Variants in PTPRD observed in about 807,000 individuals in gnomAD.
PTPRD encodes the protein protein tyrosine phosphatase receptor type D, also known as receptor-type tyrosine-protein phosphatase delta.
Under a neutral mutation model 214.5 loss-of-function variants are expected in PTPRD, and 34 were observed. That is an observed-to-expected ratio of 0.16 (90% CI 0.12 to 0.21). PTPRD has a LOEUF of 0.21. PTPRD is among the 10% of genes least tolerant of loss of function. The probability of loss-of-function intolerance (pLI) is 1.00; values close to 1 mark genes in which losing one functional copy is unlikely to be tolerated. For missense variants in PTPRD, 2,545 were observed against 2,398.7 expected, an observed-to-expected ratio of 1.06 and a Z score of -1.27; for synonymous variants, 1,128 against 845.7, an observed-to-expected ratio of 1.33 and a Z score of -5.79.
intron 9 of PTPRD, among the ~76,000 whole-genome samples, chr9:9,375,945 T>A (rs1251755386): frequency 6.6e-6 from 1 of 152,194 alleles, no homozygotes; most frequent in African/African-American, 2.4e-5. Context: ...ACTTGCATGT[T>A]ACACATATTT....
rs74592348 is a variant in PTPRD at position 9,181,449 on chromosome 9, G to A, written c.-143+1855C>T. Among the ~76,000 whole-genome samples, 468 of 151,920 alleles carry A rather than the reference G, an allele frequency of 3.1e-3. 3 individuals carry two copies. Among genetic ancestry groups the A allele is most frequent in the Non-Finnish European group, 5.1e-3 (347 of 67,924 alleles). ...CATTTTCAAACCTGCCTGTGTGTGAGCAGACAGGTTCCTGATGCTCTAAAT... is the reference window on the plus strand; with the variant it reads ...CATTTTCAAACCTGCCTGTGTGTGAACAGACAGGTTCCTGATGCTCTAAAT... On this transcript the variant is annotated intron_variant, in intron 10 of 45. Transcript: ENST00000381196.
chr9:9,941,939 G>T (rs548507871), intron 4 of PTPRD, among the ~76,000 whole-genome samples: 2 of 152,262 alleles, frequency 1.3e-5, no homozygotes, highest in African/African-American at 4.8e-5. Flanking sequence ...GTATTTGAAT[G>T]ATTTAAAATA....
intron 2 of PTPRD, among the ~76,000 whole-genome samples, chr9:10,529,430 A>T (rs1384994272): frequency 6.6e-6 from 1 of 151,792 alleles, no homozygotes; most frequent in Admixed American, 6.6e-5. Context: ...GGACATGGAT[A>T]AAGCTGGAAA....
intron 5 of PTPRD, among the ~76,000 whole-genome samples, chr9:9,898,092 C>T (rs1601409909): frequency 6.6e-6 from 1 of 152,028 alleles, no homozygotes; most frequent in Non-Finnish European, 1.5e-5. Flanking sequence ...CATAGAGAAA[C>T]TAAGGAATGC....
intron 3 of PTPRD, among the ~76,000 whole-genome samples, chr9:10,044,930 T>A (rs1312518320): frequency 6.6e-6 from 1 of 151,714 alleles, no homozygotes; most frequent in Admixed American, 6.6e-5. Flanking sequence ...TATGAGTCAT[T>A]TCAATGAGAG....
At chr9:9,193,612 C>T (rs1470035430) in intron 9 of PTPRD, among the ~76,000 whole-genome samples, 2 of 152,134 alleles carry the variant, frequency 1.3e-5, no homozygotes, top group African/African-American at 4.8e-5. Context: ...CTGTAGGCAA[C>T]TGTAACACAA....
intron 3 of PTPRD, among the ~76,000 whole-genome samples, chr9:10,162,220 G>A (rs1300951733): frequency 1.3e-5 from 2 of 151,184 alleles, no homozygotes; most frequent in South Asian, 2.1e-4. Flanking sequence ...AAAATAATGA[G>A]TAAATCAAAG....
intron 12 of PTPRD, among the ~76,000 whole-genome samples, chr9:8,691,855 C>A (rs73640939): frequency 0.054 from 8,157 of 152,224 alleles, 746 homozygotes; most frequent in African/African-American, 0.18. Context: ...TCCCATCTCA[C>A]ACCAAGTATA....
chr9:9,518,618 A>G (rs528094693), intron 8 of PTPRD, among the ~76,000 whole-genome samples: 32 of 152,174 alleles, frequency 2.1e-4, no homozygotes, highest in South Asian at 1.5e-3. Context: ...AATAGCAAAA[A>G]CCTGGGACCC....
intron 2 of PTPRD, among the ~76,000 whole-genome samples, chr9:10,472,169 T>C (rs185731676): frequency 1.1e-4 from 17 of 152,266 alleles, no homozygotes; most frequent in Admixed American, 5.9e-4. Context: ...CAAGTCCTTA[T>C]TTAAAAGGTG....
intron 9 of PTPRD, among the ~76,000 whole-genome samples, chr9:9,248,678 T>C (rs1189423921): frequency 6.6e-6 from 1 of 152,072 alleles, no homozygotes; most frequent in African/African-American, 2.4e-5. Flanking sequence ...ATACATACAG[T>C]CTAGCTAAGG....
At chr9:10,225,177 T>C (rs567164121) in intron 3 of PTPRD, among the ~76,000 whole-genome samples, 1 of 152,066 alleles carries the variant, frequency 6.6e-6, no homozygotes, top group Non-Finnish European at 1.5e-5. Flanking sequence ...AAGAGATGAA[T>C]ACAGTCTTAT....
chr9:10,056,353 G>A (rs1055053145), intron 3 of PTPRD, among the ~76,000 whole-genome samples: 9 of 150,164 alleles, frequency 6.0e-5, no homozygotes, highest in African/African-American at 2.2e-4. Flanking sequence ...TAAAAAATCT[G>A]ACTTTCTGAA....
chr9:8,639,297 C>T (rs1162352104), intron 12 of PTPRD, among the ~76,000 whole-genome samples: 1 of 152,138 alleles, frequency 6.6e-6, no homozygotes, highest in Non-Finnish European at 1.5e-5. Flanking sequence ...ACTTGCTTGT[C>T]AGTAACCAAT....
At chr9:9,010,710 T>C (rs1222196774) in intron 11 of PTPRD, among the ~76,000 whole-genome samples, 1 of 152,162 alleles carries the variant, frequency 6.6e-6, no homozygotes, top group East Asian at 1.9e-4. Context: ...TCCTTGATCC[T>C]TTCATCTTGT....
chr9:10,071,849 A>G lies in PTPRD; in HGVS notation c.-544-38059T>C, dbSNP rs543778928. On this transcript the variant is annotated intron_variant, in intron 3 of 45. Transcript: ENST00000381196. Reference sequence around the variant, plus strand: ...ATACACCTTGACAATTATGAGAATTATAAAATGAACAAGCTGATATATGTT... The same window carrying G: ...ATACACCTTGACAATTATGAGAATTGTAAAATGAACAAGCTGATATATGTT... Among the ~76,000 whole-genome samples the G allele has an allele frequency of 7.6e-4, 115 of 152,164 alleles. 1 individual carries two copies. The highest frequency in any genetic ancestry group is 1.4e-3 in the Admixed American group (21 of 15,270).
At chr9:9,349,479 A>G (rs1298972058) in intron 9 of PTPRD, among the ~76,000 whole-genome samples, 1 of 152,098 alleles carries the variant, frequency 6.6e-6, no homozygotes, top group Non-Finnish European at 1.5e-5. Flanking sequence ...AAAGTGATAT[A>G]GAAGTGCCAC....
chr9:9,551,240 A>G (rs937003892), intron 8 of PTPRD, among the ~76,000 whole-genome samples: 2 of 152,008 alleles, frequency 1.3e-5, no homozygotes, highest in Non-Finnish European at 2.9e-5. Context: ...TTTACCTGAG[A>G]AGGATCAGTA....
At chr9:9,145,558 C>T (rs1414251813) in intron 10 of PTPRD, among the ~76,000 whole-genome samples, 1 of 151,990 alleles carries the variant, frequency 6.6e-6, no homozygotes, top group Non-Finnish European at 1.5e-5. Flanking sequence ...AACATACCCC[C>T]TCCTCACCCC....
Sources: gnomAD v4.1 joint callset for allele counts (sites outside exome capture counted in the v4.1 genomes callset) on GRCh38, gnomAD v4.1.1 for gene constraint, MANE v1.5 for transcripts, NCBI Gene and HGNC (gene_info 2026-07-23, HGNC 2026-07-21) for gene names.